Variants in SLC24A3 observed in about 807,000 individuals in gnomAD.
SLC24A3 encodes the protein solute carrier family 24 member 3.
SLC24A3 carries 28 observed loss-of-function variants against 75.8 expected under a neutral mutation model. The ratio of observed to expected loss-of-function variants is 0.37; its 90% CI spans 0.27 to 0.51. The LOEUF (loss-of-function observed/expected upper bound fraction) is 0.51, where lower values mean the gene tolerates loss of function less well. SLC24A3 is among the 20% of genes least tolerant of loss of function. The pLI, the probability that SLC24A3 is intolerant of heterozygous loss-of-function variation, is 0.94. For synonymous variants in SLC24A3, 372 were observed against 334.1 expected (o/e 1.11, Z -1.24); for missense variants, 663 against 847.8 (o/e 0.78, Z 2.71).
intron 2 of SLC24A3, among the ~76,000 whole-genome samples, chr20:19,423,380 G>T (rs1415682904): frequency 6.6e-6 from 1 of 152,168 alleles, no homozygotes; most frequent in East Asian, 1.9e-4. Context: ...CCTTTGCTCG[G>T]TCTGAAAAAG....
intron 6 of SLC24A3, among the ~76,000 whole-genome samples, chr20:19,607,751 C>T (rs1206250427): frequency 6.6e-6 from 1 of 152,234 alleles, no homozygotes; most frequent in Non-Finnish European, 1.5e-5. Flanking sequence ...GCCAAAGTCC[C>T]CTCACCCCTG....
chr20:19,622,018 G>A (rs1443796439), intron 6 of SLC24A3, among the ~76,000 whole-genome samples: 1 of 152,230 alleles, frequency 6.6e-6, no homozygotes, highest in African/African-American at 2.4e-5. Context: ...GCAGGGAGGT[G>A]ATGGGTTCTG....
intron 15 of SLC24A3, among the ~76,000 whole-genome samples, chr20:19,710,547 T>C (rs150698497): frequency 6.6e-6 from 1 of 152,346 alleles, no homozygotes; most frequent in Non-Finnish European, 1.5e-5. Flanking sequence ...CAATCTGAGA[T>C]GTGCCTCACA....
chr20:19,508,006 C>A (rs1988485154), intron 2 of SLC24A3, among the ~76,000 whole-genome samples: 1 of 152,142 alleles, frequency 6.6e-6, no homozygotes, highest in Admixed American at 6.5e-5. Context: ...GTCCACGGTA[C>A]ACATGGACAA....
intron 2 of SLC24A3, among the ~76,000 whole-genome samples, chr20:19,456,597 C>G (rs954419646): frequency 6.6e-6 from 1 of 152,220 alleles, no homozygotes; most frequent in Non-Finnish European, 1.5e-5. Flanking sequence ...TGAAAATGGA[C>G]TAATACACAA....
At chr20:19,341,751 C>T (rs976470193) in intron 2 of SLC24A3, among the ~76,000 whole-genome samples, 1 of 152,164 alleles carries the variant, frequency 6.6e-6, no homozygotes, top group Non-Finnish European at 1.5e-5. Flanking sequence ...TTTTTGATAT[C>T]CTCTGTCTCA....
chr20:19,223,753 G>T (rs999308462), intron 1 of SLC24A3, among the ~76,000 whole-genome samples: 2 of 152,212 alleles, frequency 1.3e-5, no homozygotes, highest in African/African-American at 4.8e-5. Flanking sequence ...GCCTACGTAA[G>T]GAGATGAAGT....
At chr20:19,631,858 T>C (rs1444300989) in intron 6 of SLC24A3, among the ~76,000 whole-genome samples, 3 of 151,750 alleles carry the variant, frequency 2.0e-5, no homozygotes, top group African/African-American at 7.3e-5. Context: ...TTTTCTAAAA[T>C]GTGGACTTCA....
intron 1 of SLC24A3, among the ~76,000 whole-genome samples, chr20:19,256,786 A>C (rs922951444): frequency 6.6e-6 from 1 of 151,920 alleles, no homozygotes; most frequent in African/African-American, 2.4e-5. Context: ...AAAAAAAAAA[A>C]AAGAGAATTT....
intron 6 of SLC24A3, among the ~76,000 whole-genome samples, chr20:19,652,697 C>A (rs558152809): frequency 5.3e-5 from 8 of 152,284 alleles, no homozygotes; most frequent in African/African-American, 1.4e-4. Flanking sequence ...CATTTATGGT[C>A]CTATTTAAGT....
chr20:19,247,910 G>A (rs1283077146), intron 1 of SLC24A3, among the ~76,000 whole-genome samples: 2 of 152,182 alleles, frequency 1.3e-5, no homozygotes, highest in African/African-American at 4.8e-5. Context: ...TGGGGTTAGT[G>A]CTTAATTTTC....
At chr20:19,652,079 T>G (rs745825125) in intron 6 of SLC24A3, among the ~76,000 whole-genome samples, 4 of 152,216 alleles carry the variant, frequency 2.6e-5, no homozygotes, top group Non-Finnish European at 5.9e-5. Context: ...TTTTGATTGT[T>G]CTGTTTTCAG....
At chr20:19,496,503 C>A (rs1988290059) in intron 2 of SLC24A3, among the ~76,000 whole-genome samples, 1 of 152,164 alleles carries the variant, frequency 6.6e-6, no homozygotes, top group East Asian at 1.9e-4. Context: ...ATCTCTGTAG[C>A]AATTTATTGC....
chr20:19,604,180 G>A (rs1369298130), intron 6 of SLC24A3, among the ~76,000 whole-genome samples: 2 of 151,634 alleles, frequency 1.3e-5, no homozygotes, highest in African/African-American at 2.4e-5. Context: ...AACCAGCAAG[G>A]TAATCTCCAG....
At chr20:19,508,567 C>T (rs1009009537) in intron 2 of SLC24A3, among the ~76,000 whole-genome samples, 3 of 151,960 alleles carry the variant, frequency 2.0e-5, no homozygotes, top group South Asian at 2.1e-4. Context: ...TCATCAAACT[C>T]GGGTCTCATG....
intron 1 of SLC24A3, among the ~76,000 whole-genome samples, chr20:19,250,570 C>T (rs1261002854): frequency 1.3e-5 from 2 of 152,318 alleles, no homozygotes; most frequent in Middle Eastern, 3.4e-3. Flanking sequence ...TTGCCTGGAG[C>T]ATTAAATTCC....
At chr20:19,671,254 G>T (rs936707610) in intron 8 of SLC24A3, among the ~76,000 whole-genome samples, 1 of 152,200 alleles carries the variant, frequency 6.6e-6, no homozygotes, top group African/African-American at 2.4e-5. Flanking sequence ...GAAAGAGACG[G>T]CTGTGTGCAA....
intron 6 of SLC24A3, among the ~76,000 whole-genome samples, chr20:19,614,663 A>G (rs1037960596): frequency 7.2e-5 from 11 of 152,172 alleles, no homozygotes; most frequent in African/African-American, 2.4e-4. Flanking sequence ...CGCAGCCCAA[A>G]TTGTAGCGTT....
chr20:19,238,648 GGCA>G (rs1982237848), intron 1 of SLC24A3, among the ~76,000 whole-genome samples: 1 of 152,134 alleles, frequency 6.6e-6, no homozygotes, highest in South Asian at 2.1e-4. Context: ...AGGGCTCATT[GGCA>G]ACCCACAGCC....
Sources: gnomAD v4.1 joint callset for allele counts (sites outside exome capture counted in the v4.1 genomes callset) on GRCh38, gnomAD v4.1.1 for gene constraint, MANE v1.5 for transcripts, NCBI Gene and HGNC (gene_info 2026-07-23, HGNC 2026-07-21) for gene names.